OSBPL10: variants seen among roughly 807,000 people sequenced by gnomAD.
The protein encoded by OSBPL10 is oxysterol binding protein like 10.
OSBPL10 carries 49 observed loss-of-function variants against 81.7 expected under a neutral mutation model. The ratio of observed to expected loss-of-function variants is 0.60; its 90% CI spans 0.48 to 0.76. OSBPL10 has a LOEUF of 0.76. Among genes scored for constraint, OSBPL10 ranks in the 30% least tolerant of loss-of-function variants. OSBPL10 has a pLI of 0.00. For missense variants in OSBPL10, 923 were observed against 987.8 expected (o/e 0.93, Z 0.88); for synonymous variants, 419 against 383.6 (o/e 1.09, Z -1.08).
At chr3:32,022,985 G>A (rs750909258) in intron 2 of OSBPL10, among the ~76,000 whole-genome samples, 8 of 152,084 alleles carry the variant, frequency 5.3e-5, no homozygotes, top group Non-Finnish European at 1.2e-4. Flanking sequence ...GTTTGGTGGA[G>A]GTCTGGGTTT....
Position 31,980,010 on chromosome 3 carries a change from A to AT in OSBPL10, c.281+888dup, listed in dbSNP as rs759753840. Among the ~76,000 whole-genome samples the AT allele has an allele frequency of 2.8e-3, 409 of 148,398 alleles. 14 individuals are homozygous for AT. In the South Asian group the frequency reaches 0.041, roughly 15 times the overall value. On this transcript the variant is annotated intron_variant, in intron 1 of 11. Coordinates refer to ENST00000396556, the MANE Select transcript of OSBPL10 (RefSeq NM_017784.5). ...TATTTTATTTTATTTTATTTTATTTATTTATTTTTTTTGAGTCGGAGTCTC... is the reference window on the plus strand; with the variant it reads ...TATTTTATTTTATTTTATTTTATTTATTTTATTTTTTTTGAGTCGGAGTCTC...
At chr3:31,787,386 G>A (rs1698885132) in intron 4 of OSBPL10, among the ~76,000 whole-genome samples, 1 of 152,088 alleles carries the variant, frequency 6.6e-6, no homozygotes, top group African/African-American at 2.4e-5. Flanking sequence ...CCTGAGGTCA[G>A]GAGTTCCAGA....
intron 1 of OSBPL10, among the ~76,000 whole-genome samples, chr3:31,925,781 C>T (rs1697056291): frequency 1.3e-5 from 2 of 151,940 alleles, no homozygotes. Context: ...CCACTGCACT[C>T]CAGCCTGGGC....
intron 1 of OSBPL10, among the ~76,000 whole-genome samples, chr3:31,980,014 AT>A (rs922179498): frequency 1.3e-4 from 19 of 147,722 alleles, no homozygotes; most frequent in African/African-American, 4.8e-4. Flanking sequence ...TTATTTATTT[AT>A]TTTTTTTGAG....
At chr3:32,012,893 C>T (rs1435565586) in intron 2 of OSBPL10, among the ~76,000 whole-genome samples, 1 of 152,202 alleles carries the variant, frequency 6.6e-6, no homozygotes, top group Non-Finnish European at 1.5e-5. Context: ...GAAGAGCTAA[C>T]TATCCTAAAT....
chr3:31,884,103 A>G (rs1287594295), intron 1 of OSBPL10, among the ~76,000 whole-genome samples: 1 of 152,268 alleles, frequency 6.6e-6, no homozygotes, highest in East Asian at 1.9e-4. Context: ...GCTGGTATAA[A>G]GAAATGAATT....
intron 1 of OSBPL10, among the ~76,000 whole-genome samples, chr3:31,929,319 C>T (rs770857430): frequency 1.8e-4 from 28 of 152,072 alleles, no homozygotes; most frequent in Non-Finnish European, 2.1e-4. Flanking sequence ...TGGAGATTCC[C>T]GTCAACATAA....
intron 3 of OSBPL10, among the ~76,000 whole-genome samples, chr3:31,841,716 G>C (rs1700502688): frequency 6.6e-6 from 1 of 152,166 alleles, no homozygotes; most frequent in African/African-American, 2.4e-5. Flanking sequence ...CTCTAGTTAT[G>C]CCTGCACACT....
chr3:31,926,655 C>T (rs182967461), intron 1 of OSBPL10, among the ~76,000 whole-genome samples: 65 of 152,204 alleles, frequency 4.3e-4, no homozygotes, highest in Admixed American at 2.2e-3. Context: ...TTGCTGTGGA[C>T]GCCTGAACTG....
intron 5 of OSBPL10, among the ~76,000 whole-genome samples, chr3:31,743,031 GTTTTTTTTTT>G (rs10715360): frequency 3.5e-5 from 2 of 57,494 alleles, no homozygotes; most frequent in South Asian, 9.1e-4. Context: ...AGCTAAATTA[GTTTTTTTTTT>G]TTTTTTTTTT....
intron 1 of OSBPL10, among the ~76,000 whole-genome samples, chr3:31,900,336 A>C (rs1413308193): frequency 6.6e-6 from 1 of 152,048 alleles, no homozygotes; most frequent in Non-Finnish European, 1.5e-5. Flanking sequence ...CGAGAATGAA[A>C]CTTTTAAAAA....
intron 1 of OSBPL10, among the ~76,000 whole-genome samples, chr3:31,980,526 T>C (rs1698803957): frequency 6.6e-6 from 1 of 152,202 alleles, no homozygotes; most frequent in African/African-American, 2.4e-5. Context: ...AGCACGCCCC[T>C]TCTGCCTCCC....
At chr3:31,756,758 C>T (rs187047126) in intron 4 of OSBPL10, among the ~76,000 whole-genome samples, 1 of 152,300 alleles carries the variant, frequency 6.6e-6, no homozygotes, top group East Asian at 1.9e-4. Flanking sequence ...ATGATCTTCT[C>T]TAGTGTATTT....
At chr3:31,991,732 T>C (rs539314479) in intron 2 of OSBPL10, 1 of 155,598 alleles carries the variant, frequency 6.4e-6, no homozygotes, top group Admixed American at 6.5e-5. Context: ...AATGGATAAC[T>C]AATACAGATG....
At chr3:31,751,499 T>C (rs1383807666) in intron 4 of OSBPL10, among the ~76,000 whole-genome samples, 1 of 152,198 alleles carries the variant, frequency 6.6e-6, no homozygotes, top group Non-Finnish European at 1.5e-5. Context: ...GCAGTTACGA[T>C]GGCTGGGGAA....
rs140327356 is a variant in OSBPL10 at position 31,818,687 on chromosome 3, C to T, written c.729+11353G>A. 3.2e-4 allele frequency among the ~76,000 whole-genome samples: 49 copies of T among 152,330 alleles called. 1 individual carries two copies. The East Asian group carries it at 8.7e-3, about 27-fold the overall frequency. On this transcript the variant is annotated intron_variant, in intron 4 of 11. Coordinates refer to ENST00000396556, the MANE Select transcript of OSBPL10 (RefSeq NM_017784.5). ...GTTCAGTCTCTACATGCTCCCCACTCCTACTCCAAAAGGGGCCAATGACCT... is the reference window on the plus strand; with the variant it reads ...GTTCAGTCTCTACATGCTCCCCACTTCTACTCCAAAAGGGGCCAATGACCT...
intron 8 of OSBPL10, among the ~76,000 whole-genome samples, chr3:31,677,119 C>T (rs1402882642): frequency 6.6e-6 from 1 of 152,090 alleles, no homozygotes; most frequent in Non-Finnish European, 1.5e-5. Flanking sequence ...ATGGAAAAAG[C>T]ATTATTTACA....
intron 3 of OSBPL10, among the ~76,000 whole-genome samples, chr3:31,867,728 T>C (rs1156745489): frequency 2.7e-5 from 3 of 111,110 alleles, no homozygotes; most frequent in Admixed American, 1.4e-4. Flanking sequence ...GGGCGCAGAG[T>C]AAGACAAGAA....
At chr3:32,056,341 T>C (rs1283970526) in intron 1 of OSBPL10, among the ~76,000 whole-genome samples, 3 of 152,238 alleles carry the variant, frequency 2.0e-5, no homozygotes, top group African/African-American at 7.2e-5. Flanking sequence ...TGGGTACATG[T>C]TGGAATCAGC....
Sources: gnomAD v4.1 joint callset for allele counts (sites outside exome capture counted in the v4.1 genomes callset) on GRCh38, gnomAD v4.1.1 for gene constraint, MANE v1.5 for transcripts, NCBI Gene and HGNC (gene_info 2026-07-23, HGNC 2026-07-21) for gene names.